Variants in INPP5A observed in about 807,000 individuals in gnomAD.
INPP5A encodes 43 kDa inositol polyphosphate 5-phophatase.
INPP5A carries 14 observed loss-of-function variants against 65.2 expected under a neutral mutation model. That is an observed-to-expected ratio of 0.21 (90% CI 0.14 to 0.34). INPP5A has a LOEUF of 0.34. INPP5A is among the 10% of genes least tolerant of loss of function. The pLI is 1.00. For missense variants in INPP5A, 431 were observed against 545.6 expected, an observed-to-expected ratio of 0.79 and a Z score of 2.09; for synonymous variants, 207 against 208.3, an observed-to-expected ratio of 0.99 and a Z score of 0.05.
Position 132,575,380 on chromosome 10 carries a change from C to T in INPP5A, c.76-32535C>T, listed in dbSNP as rs1006381994. Among the ~76,000 whole-genome samples, 6 of 152,274 alleles carry T rather than the reference C, an allele frequency of 3.9e-5. No homozygotes were observed. Among genetic ancestry groups the T allele is most frequent in the African/African-American group, 1.2e-4 (5 of 41,538 alleles). On this transcript the variant is annotated intron_variant, in intron 1 of 15. Transcript: ENST00000368594. The surrounding 1 kb of genome is among the most constrained non-coding windows in gnomAD (Gnocchi z 5.4). ...TGTGGCTAGCCTGCTCCCAGCCCCCCGCAGCTCACAGGGTCAGGATGGGAG... is the reference window on the plus strand; with the variant it reads ...TGTGGCTAGCCTGCTCCCAGCCCCCTGCAGCTCACAGGGTCAGGATGGGAG...
chr10:132,578,584 G>GGGGAGTCTCATCCAGGAGAGTGTGCA, intron 1 of INPP5A, among the ~76,000 whole-genome samples: 1 of 151,334 alleles, frequency 6.6e-6, no homozygotes, highest in Non-Finnish European at 1.5e-5. Context: ...GAGAGTGTGC[G>GGGGAGTCTCATCCAGGAGAGTGTGCA]GGGGCTGGAG....
At position 132,575,929 on chromosome 10, in the gene INPP5A, G is replaced by T. The variant is rs2071407820; in HGVS notation, c.76-31986G>T. On this transcript the variant is annotated intron_variant, in intron 1 of 15. Coordinates refer to ENST00000368594, the MANE Select transcript of INPP5A (RefSeq NM_005539.5). The surrounding 1 kb of genome is among the most constrained non-coding windows in gnomAD (Gnocchi z 5.4). Reference sequence around the variant, plus strand: ...CATCGCGGCTCTTGTGGACTGTGGAGCTGGTGGCTCCCCTCTCCTCCTGAA... The same window carrying T: ...CATCGCGGCTCTTGTGGACTGTGGATCTGGTGGCTCCCCTCTCCTCCTGAA... 6.6e-6 allele frequency among the ~76,000 whole-genome samples: 1 copy of T among 152,196 alleles called. No homozygotes were observed. Among genetic ancestry groups the T allele is most frequent in the Admixed American group, 6.5e-5 (1 of 15,284 alleles).
intron 2 of INPP5A, among the ~76,000 whole-genome samples, chr10:132,638,346 T>G (rs915890151): frequency 5.3e-5 from 8 of 152,178 alleles, no homozygotes; most frequent in Non-Finnish European, 8.8e-5. Context: ...TTCCAGAATC[T>G]TCAGCCTCCG....
chr10:132,538,138 G>C lies in INPP5A; in HGVS notation c.42G>C (p.Leu14=). The C allele has an allele frequency of 3.1e-6, 4 of 1,272,746 alleles. No individual in the cohort carries two copies. The highest frequency in any genetic ancestry group is 4.0e-6 in the Non-Finnish European group (4 of 1,004,042). 78.8% of individuals were successfully genotyped at this position (1,272,746 alleles called of 1,614,324 possible). A position where few individuals can be genotyped will look rare whatever the true frequency, so the allele number is the denominator to read the frequency against. The part of the protein sequence containing the change: ...KAAAPGTAVL[L]VTANVGSLFD... ...CCGCCCCGGGCACCGCGGTGCTGCT[G>C]GTCACGGCCAACGTGGGCTCGCTCT... Residue 14 remains leucine (L), a synonymous_variant, in exon 1 of 16, where the codon CTG becomes CTC. Transcript: ENST00000368594. The surrounding 1 kb of genome is among the most constrained non-coding windows in gnomAD (Gnocchi z 4.1).
chr10:132,549,321 G>A lies in INPP5A; in HGVS notation c.75+11150G>A, dbSNP rs759784536. 8.5e-5 allele frequency among the ~76,000 whole-genome samples: 13 copies of A among 152,134 alleles called. No homozygotes were observed. Among genetic ancestry groups the A allele is most frequent in the African/African-American group, 1.7e-4 (7 of 41,426 alleles). ...TCTTCCCATAGTTGCTGCCCCATTC[G>A]TGCCCCGTCGAGTGGTGTGGAAGGA... On this transcript the variant is annotated intron_variant, in intron 1 of 15. Transcript: ENST00000368594. This position sits in a 1 kb window ranked among gnomAD's most constrained non-coding sequence, Gnocchi z 4.9.
intron 3 of INPP5A, among the ~76,000 whole-genome samples, chr10:132,647,120 T>C (rs1297420514): frequency 6.6e-6 from 1 of 151,800 alleles, no homozygotes; most frequent in Non-Finnish European, 1.5e-5. Context: ...TTTTTCTTTT[T>C]TTTTTTTTGT....
intron 5 of INPP5A, 68 bp downstream of exon 5, chr10:132,690,523 A>C: frequency 3.4e-6 from 4 of 1,166,256 alleles, no homozygotes; most frequent in Non-Finnish European, 5.1e-6. Context: ...TGGCTTCCCC[A>C]GACCTCTCCT....
intron 2 of INPP5A, among the ~76,000 whole-genome samples, chr10:132,624,036 C>T (rs771409591): frequency 2.6e-5 from 4 of 152,154 alleles, no homozygotes; most frequent in Non-Finnish European, 5.9e-5. Context: ...GATGAAGACG[C>T]AGGGCCACCG....
chr10:132,712,919 TGG>T (rs1166523937), intron 8 of INPP5A, among the ~76,000 whole-genome samples: 2 of 148,996 alleles, frequency 1.3e-5, no homozygotes, highest in Non-Finnish European at 3.0e-5. Flanking sequence ...TGCATGTGTG[TGG>T]GTGTGTGCAT....
chr10:132,769,892 G>C (rs911007503), intron 12 of INPP5A, among the ~76,000 whole-genome samples: 2 of 152,052 alleles, frequency 1.3e-5, no homozygotes, highest in African/African-American at 4.8e-5. Context: ...GCATGGAGCT[G>C]CTGCCTTTTT....
intron 12 of INPP5A, among the ~76,000 whole-genome samples, chr10:132,771,603 C>T (rs1846948771): frequency 2.6e-5 from 4 of 151,730 alleles, no homozygotes; most frequent in Admixed American, 2.6e-4. Context: ...CCCCAGTGCC[C>T]ATGAAGAGTG....
chr10:132,573,021 T>G (rs1399497449), intron 1 of INPP5A, among the ~76,000 whole-genome samples: 1 of 150,024 alleles, frequency 6.7e-6, no homozygotes, highest in Non-Finnish European at 1.5e-5. Context: ...GTGTGAGGTT[T>G]TGTTGCGATG....
chr10:132,706,581 A>G lies in INPP5A; in HGVS notation c.475-1732A>G, dbSNP rs1286957888. Among the ~76,000 whole-genome samples, 7 of 152,192 alleles carry G rather than the reference A, an allele frequency of 4.6e-5. No individual in the cohort carries two copies. Among genetic ancestry groups the G allele is most frequent in the Non-Finnish European group, 7.3e-5 (5 of 68,036 alleles). The stretch of plus-strand genomic sequence containing the variant: ...GGGGAAGAATGCAGTGTGTACGGGA[A>G]GGGTTGGCTGGCTTCAGCATCACCC... On this transcript the variant is annotated intron_variant, in intron 6 of 15. Transcript: ENST00000368594. This position sits in a 1 kb window ranked among gnomAD's most constrained non-coding sequence, Gnocchi z 4.7.
At position 132,697,675 on chromosome 10, in the gene INPP5A, G is replaced by T. The variant is rs12253990; in HGVS notation, c.371-141G>T. On this transcript the variant is annotated intron_variant, in intron 5 of 15. Coordinates refer to ENST00000368594, the MANE Select transcript of INPP5A (RefSeq NM_005539.5). This position sits in a 1 kb window ranked among gnomAD's most constrained non-coding sequence, Gnocchi z 5.6. ...GCCCGCTGGGGGTCTGTTCTGGGTC[G>T]GACCCCTCATCAGGGCCTCCTCTCG... 3,890 of 629,924 alleles carry T rather than the reference G, an allele frequency of 6.2e-3. 106 individuals are homozygous for T. The highest frequency in any genetic ancestry group is 0.059 in the African/African-American group (3,230 of 54,574). 39.0% of individuals were successfully genotyped at this position (629,924 alleles called of 1,614,324 possible). A position where few individuals can be genotyped will look rare whatever the true frequency, so the allele number is the denominator to read the frequency against.
intron 1 of INPP5A, among the ~76,000 whole-genome samples, chr10:132,565,264 C>T (rs771919877): frequency 2.0e-5 from 3 of 152,146 alleles, no homozygotes; most frequent in Non-Finnish European, 4.4e-5. Flanking sequence ...CATGCACCAC[C>T]ACACCTGGCC....
chr10:132,610,366 G>A (rs982758828), intron 2 of INPP5A, among the ~76,000 whole-genome samples: 3 of 152,158 alleles, frequency 2.0e-5, no homozygotes, highest in Non-Finnish European at 4.4e-5. Context: ...ATGGGGGTGG[G>A]GGGTGGGGGG....
At chr10:132,745,562 C>CTGGCACTGGCCCCAGCCCGGGCCTCAGG (rs1564995855) in intron 9 of INPP5A, among the ~76,000 whole-genome samples, 2 of 151,392 alleles carry the variant, frequency 1.3e-5, no homozygotes, top group African/African-American at 2.4e-5. Flanking sequence ...CATGTCACGG[C>CTGGCACTGGCCCCAGCCCGGGCCTCAGG]TGGCACTGGC....
chr10:132,541,990 G>A (rs2070912314), intron 1 of INPP5A, among the ~76,000 whole-genome samples: 1 of 152,238 alleles, frequency 6.6e-6, no homozygotes, highest in African/African-American at 2.4e-5. Flanking sequence ...ATATTTAATT[G>A]TTTTGCTTTG....
chr10:132,759,704 C>G (rs978691955), intron 11 of INPP5A, among the ~76,000 whole-genome samples: 1 of 151,994 alleles, frequency 6.6e-6, no homozygotes, highest in African/African-American at 2.4e-5. Flanking sequence ...TATGGCCCGG[C>G]GCCCTCCTCA....
Sources: allele counts gnomAD v4.1 joint callset (sites outside exome capture counted in the v4.1 genomes callset), GRCh38; gene constraint gnomAD v4.1.1; non-coding constraint Gnocchi (gnomAD v3.1); transcripts MANE v1.5; gene names NCBI Gene and HGNC (gene_info 2026-07-23, HGNC 2026-07-21).